The following ROBO2 variants were observed in gnomAD, a reference collection of about 807,000 sequenced individuals.
ROBO2 encodes roundabout homolog 2.
In ROBO2, 53 loss-of-function variants were observed where a neutral mutation model predicts 160.8. That is an observed-to-expected ratio of 0.33 (90% CI 0.26 to 0.41). The LOEUF (loss-of-function observed/expected upper bound fraction) is 0.41, where lower values mean the gene tolerates loss of function less well. ROBO2 is among the 10% of genes least tolerant of loss of function. The pLI is 1.00. For synonymous variants in ROBO2, 664 were observed against 611.7 expected (o/e 1.09, Z -1.26); for missense variants, 1,577 against 1,722.4 (o/e 0.92, Z 1.49).
intron 23 of ROBO2, among the ~76,000 whole-genome samples, chr3:77,628,217 A>G (rs544177697): frequency 6.6e-6 from 1 of 152,308 alleles, no homozygotes; most frequent in South Asian, 2.1e-4. Context: ...TTAAATATGT[A>G]TTGATTATGT....
rs541932502 is a variant in ROBO2 at position 76,757,819 on chromosome 3, A to G, written c.110-340195A>G. Among the ~76,000 whole-genome samples, 3 of 151,904 alleles carry G rather than the reference A, an allele frequency of 2.0e-5. No individual in the cohort carries two copies. The South Asian group carries it at 6.2e-4, about 32-fold the overall frequency. ...CACTCAGAAGAGGTGAGGAAGAGGAAATGAGGACTAAAACTTGAGTTAACA... is the reference window on the plus strand; with the variant it reads ...CACTCAGAAGAGGTGAGGAAGAGGAGATGAGGACTAAAACTTGAGTTAACA... On this transcript the variant is annotated intron_variant, in intron 2 of 26. Transcript: ENST00000487694.
At chr3:76,775,998 T>C (rs2062225841) in intron 2 of ROBO2, among the ~76,000 whole-genome samples, 1 of 150,948 alleles carries the variant, frequency 6.6e-6, no homozygotes, top group Non-Finnish European at 1.5e-5. Context: ...ATCACTGTCT[T>C]TTCTGTACTT....
chr3:77,571,950 T>C (rs547711705), intron 13 of ROBO2, among the ~76,000 whole-genome samples: 1 of 151,958 alleles, frequency 6.6e-6, no homozygotes, highest in Admixed American at 6.6e-5. Context: ...GTTAAACTAT[T>C]TAATTATTAA....
intron 2 of ROBO2, among the ~76,000 whole-genome samples, chr3:77,020,520 A>C (rs879930555): frequency 1.4e-4 from 22 of 152,202 alleles, no homozygotes; most frequent in Non-Finnish European, 2.6e-4. Context: ...TTAGAAAAAA[A>C]TGTTCATGCC....
chr3:77,475,815 G>A (rs889614886), intron 2 of ROBO2, among the ~76,000 whole-genome samples: 1 of 152,276 alleles, frequency 6.6e-6, no homozygotes. Flanking sequence ...ACATTTAAAT[G>A]CACACTTTCC....
At chr3:76,789,536 T>G (rs1182045679) in intron 2 of ROBO2, among the ~76,000 whole-genome samples, 1 of 151,588 alleles carries the variant, frequency 6.6e-6, no homozygotes, top group African/African-American at 2.4e-5. Context: ...AATTCAGTTC[T>G]GTTCCCCTTC....
At chr3:76,856,291 T>C (rs2070067361) in intron 2 of ROBO2, among the ~76,000 whole-genome samples, 1 of 152,218 alleles carries the variant, frequency 6.6e-6, no homozygotes, top group Admixed American at 6.5e-5. Context: ...CCTTCTTTTT[T>C]AAATGAATGT....
At chr3:76,207,156 C>T (rs1016141864) in intron 2 of ROBO2, among the ~76,000 whole-genome samples, 1 of 152,002 alleles carries the variant, frequency 6.6e-6, no homozygotes, top group Non-Finnish European at 1.5e-5. Flanking sequence ...TATACTGAGC[C>T]TTACTTATAG....
intron 5 of ROBO2, among the ~76,000 whole-genome samples, chr3:77,503,889 C>T (rs1345157274): frequency 2.0e-5 from 3 of 152,082 alleles, no homozygotes; most frequent in African/African-American, 7.2e-5. Flanking sequence ...GAACAAGGAA[C>T]ATATCTTTGT....
chr3:77,522,703 G>A, intron 5 of ROBO2, 72 bp from the exon 6 acceptor site: 2 of 1,485,644 alleles, frequency 1.3e-6, no homozygotes, highest in Non-Finnish European at 1.9e-6. Context: ...AAAGAAAAAT[G>A]AAGATGAATA....
At chr3:76,496,954 C>A (rs2080181845) in intron 2 of ROBO2, among the ~76,000 whole-genome samples, 1 of 152,120 alleles carries the variant, frequency 6.6e-6, no homozygotes, top group Non-Finnish European at 1.5e-5. Flanking sequence ...CTTTTAATAG[C>A]CAAATCAGTT....
chr3:77,108,776 G>A (rs561816994), intron 2 of ROBO2, among the ~76,000 whole-genome samples: 22 of 152,254 alleles, frequency 1.4e-4, no homozygotes, highest in African/African-American at 2.4e-4. Context: ...GCCAGATTTC[G>A]AGCACAAATA....
At chr3:77,050,178 T>C (rs1206856803) in intron 1 of ROBO2, among the ~76,000 whole-genome samples, 1 of 152,204 alleles carries the variant, frequency 6.6e-6, no homozygotes, top group Non-Finnish European at 1.5e-5. Context: ...TTGTATTTTA[T>C]ATCTCTATTA....
At chr3:77,030,892 C>A (rs1190709862) in intron 2 of ROBO2, among the ~76,000 whole-genome samples, 1 of 152,098 alleles carries the variant, frequency 6.6e-6, no homozygotes, top group East Asian at 1.9e-4. Flanking sequence ...ATTTGAAGGA[C>A]CCTATTCAAC....
Position 77,040,403 on chromosome 3 carries a change from AG to A in ROBO2, c.-381del. The A allele has an allele frequency of 9.7e-7, 1 of 1,029,790 alleles. No individual in the cohort carries two copies. The highest frequency in any genetic ancestry group is 1.7e-5 in the African/African-American group (1 of 58,426). 63.8% of individuals were successfully genotyped at this position (1,029,790 alleles called of 1,614,324 possible). A position where few individuals can be genotyped will look rare whatever the true frequency, so the allele number is the denominator to read the frequency against. On this transcript the variant is annotated 5_prime_UTR_variant, in exon 1 of 26. An upstream open reading frame in the 5' UTR loses its in-frame stop. Transcript: ENST00000461745. ...GTTTGTGGAACACTTTCTAGGAATT[AG>A]GTCTTTTCCTCCCCCTTCATCATCT...
intron 2 of ROBO2, among the ~76,000 whole-genome samples, chr3:76,439,865 A>G (rs1238289920): frequency 1.3e-5 from 2 of 152,174 alleles, no homozygotes; most frequent in Non-Finnish European, 2.9e-5. Context: ...TCACACTCCC[A>G]CGATGGGTAG....
intron 2 of ROBO2, among the ~76,000 whole-genome samples, chr3:76,079,324 A>C (rs2068741391): frequency 6.6e-6 from 1 of 152,168 alleles, no homozygotes; most frequent in African/African-American, 2.4e-5. Context: ...ACAATGAAAT[A>C]ATAAGTGCTT....
intron 2 of ROBO2, among the ~76,000 whole-genome samples, chr3:76,183,834 TTAAA>T (rs758873992): frequency 4.6e-5 from 7 of 152,118 alleles, no homozygotes; most frequent in Non-Finnish European, 1.0e-4. Context: ...TATTTAAAAA[TTAAA>T]TAAATAAAGA....
At chr3:76,034,466 T>C (rs1019893090) in intron 2 of ROBO2, among the ~76,000 whole-genome samples, 4 of 152,234 alleles carry the variant, frequency 2.6e-5, no homozygotes, top group African/African-American at 9.6e-5. Flanking sequence ...CTAGGTTATG[T>C]ATCCTTGCAG....
Sources: gnomAD v4.1 joint callset for allele counts (sites outside exome capture counted in the v4.1 genomes callset) on GRCh38, gnomAD v4.1.1 for gene constraint, MANE v1.5 for transcripts, NCBI Gene and HGNC (gene_info 2026-07-23, HGNC 2026-07-21) for gene names.